Variants in ANKS1B observed in about 807,000 individuals in gnomAD.
The protein encoded by ANKS1B is ankyrin repeat and sterile alpha motif domain containing 1B, also known as ankyrin repeat and sterile alpha motif domain-containing protein 1B.
A neutral mutation model predicts 148.3 loss-of-function variants in ANKS1B; 36 were observed. The ratio of observed to expected loss-of-function variants is 0.24; its 90% CI spans 0.19 to 0.32. The LOEUF (loss-of-function observed/expected upper bound fraction) is 0.32. ANKS1B is among the 10% of genes least tolerant of loss of function. The pLI is 1.00. For missense variants in ANKS1B, 1,157 were observed against 1,542.6 expected (o/e 0.75, Z 4.19); for synonymous variants, 542 against 560.8 (o/e 0.97, Z 0.47).
Position 98,937,986 on chromosome 12 carries a change from G to T in ANKS1B, c.2779-105850C>A, listed in dbSNP as rs115156231. ...CCCTCACGATCACTAGAGCAGCATG[G>T]GGGAAACTGCCCCCATGATCCAATC... On this transcript the variant is annotated intron_variant, in intron 17 of 26. Coordinates refer to ENST00000683438, the MANE Select transcript of ANKS1B (RefSeq NM_001352186.2). 7.3e-3 allele frequency among the ~76,000 whole-genome samples: 1,105 copies of T among 152,076 alleles called. 14 individuals are homozygous for T. Among genetic ancestry groups the T allele is most frequent in the African/African-American group, 0.025 (1,055 of 41,466 alleles).
intron 17 of ANKS1B, among the ~76,000 whole-genome samples, chr12:98,952,339 G>A (rs541446957): frequency 2.6e-4 from 40 of 152,354 alleles, no homozygotes; most frequent in East Asian, 9.6e-4. Flanking sequence ...CTGGGGCCAC[G>A]TTAGCAGAGC....
At chr12:99,909,684 G>C (rs2093929073) in intron 1 of ANKS1B, among the ~76,000 whole-genome samples, 1 of 152,076 alleles carries the variant, frequency 6.6e-6, no homozygotes, top group African/African-American at 2.4e-5. Context: ...CTCAAACTTT[G>C]TTTTTCTTTC....
chr12:99,715,578 G>A (rs1289386282), intron 8 of ANKS1B, among the ~76,000 whole-genome samples: 4 of 152,086 alleles, frequency 2.6e-5, no homozygotes, highest in African/African-American at 7.2e-5. Context: ...CTCTTCACAC[G>A]GATGCGCATG....
intron 15 of ANKS1B, among the ~76,000 whole-genome samples, chr12:99,125,035 C>A (rs2063923491): frequency 6.6e-6 from 1 of 151,952 alleles, no homozygotes; most frequent in African/African-American, 2.4e-5. Context: ...ATAAAGTGAG[C>A]TGAAAAATTG....
chr12:99,102,786 C>A (rs2058269726), intron 15 of ANKS1B, among the ~76,000 whole-genome samples: 1 of 151,980 alleles, frequency 6.6e-6, no homozygotes, highest in South Asian at 2.1e-4. Context: ...CTTAGCTGGG[C>A]ATGGTGGTTC....
chr12:99,254,729 T>C (rs988187980), intron 12 of ANKS1B, among the ~76,000 whole-genome samples: 1 of 152,196 alleles, frequency 6.6e-6, no homozygotes, highest in African/African-American at 2.4e-5. Flanking sequence ...TGACTAGATA[T>C]TGAGTTTATA....
intron 17 of ANKS1B, among the ~76,000 whole-genome samples, chr12:98,885,947 C>T (rs1301505507): frequency 6.6e-6 from 1 of 151,640 alleles, no homozygotes; most frequent in African/African-American, 2.4e-5. Flanking sequence ...GCCCAGGCAC[C>T]AGCAAGATGA....
chr12:99,647,977 A>T, intron 9 of ANKS1B: 1 of 685,100 alleles, frequency 1.5e-6, no homozygotes, highest in Non-Finnish European at 2.4e-6. Context: ...CAGGGGACTG[A>T]CTGTCTCTGG....
chr12:99,405,090 T>C lies in ANKS1B; in HGVS notation c.1576-5279A>G, dbSNP rs775179136. Among the ~76,000 whole-genome samples the C allele has an allele frequency of 2.7e-4, 40 of 145,594 alleles. 1 individual carries two copies. Among genetic ancestry groups the C allele is most frequent in the Non-Finnish European group, 4.7e-4 (31 of 65,842 alleles). On this transcript the variant is annotated intron_variant, in intron 11 of 26. Transcript: ENST00000683438. ...AAACATGAAGGAGAAATAAAGACTT[T>C]CCCAGACAAACAAAAGTTGAGAAAT... is the stretch of plus-strand genomic sequence containing the variant.
intron 19 of ANKS1B, among the ~76,000 whole-genome samples, chr12:98,816,285 AAATT>A (rs1469854748): frequency 1.3e-5 from 2 of 152,094 alleles, no homozygotes; most frequent in African/African-American, 2.4e-5. Flanking sequence ...TTTCAAGCAG[AAATT>A]ATTTATTTAT....
At chr12:99,928,798 G>A (rs560854963) in intron 1 of ANKS1B, among the ~76,000 whole-genome samples, 3 of 152,122 alleles carry the variant, frequency 2.0e-5, no homozygotes, top group South Asian at 2.1e-4. Context: ...TCTCAGGATC[G>A]TAACTCCAGG....
chr12:99,563,804 T>C (rs1235985963), intron 9 of ANKS1B, among the ~76,000 whole-genome samples: 2 of 152,118 alleles, frequency 1.3e-5, no homozygotes, highest in Non-Finnish European at 2.9e-5. Context: ...TAAAATGAGG[T>C]ATGCCTGGAT....
chr12:99,258,819 A>T (rs2075603310), intron 12 of ANKS1B, among the ~76,000 whole-genome samples: 1 of 152,296 alleles, frequency 6.6e-6, no homozygotes, highest in Middle Eastern at 3.4e-3. Context: ...TAAAAAAATC[A>T]ATTATAGTTT....
In ANKS1B at chr12:98,754,892, G is replaced by T. The variant is rs1047384263; in HGVS notation, c.3580-3370C>A. ...GTTTTCCTGCCTAATGGCTTCTTCT[G>T]GTTCCGCTTACATTTTCCTTGACTT... On this transcript the variant is annotated intron_variant, in intron 25 of 26. Coordinates refer to ENST00000683438, the MANE Select transcript of ANKS1B (RefSeq NM_001352186.2). Among the ~76,000 whole-genome samples the T allele has an allele frequency of 1.2e-4, 19 of 152,170 alleles. 1 individual carries two copies. The highest frequency in any genetic ancestry group is 1.2e-3 in the Admixed American group (19 of 15,284).
At chr12:99,456,755 C>T (rs1323850408) in intron 10 of ANKS1B, among the ~76,000 whole-genome samples, 1 of 151,834 alleles carries the variant, frequency 6.6e-6, no homozygotes, top group Non-Finnish European at 1.5e-5. Flanking sequence ...ACAAGGCCTC[C>T]AAGAAAATTT....
At chr12:99,325,069 A>G (rs571619043) in intron 12 of ANKS1B, among the ~76,000 whole-genome samples, 56 of 152,160 alleles carry the variant, frequency 3.7e-4, no homozygotes, top group Non-Finnish European at 7.2e-4. Flanking sequence ...TCAATGATGG[A>G]CTGTATACAC....
At chr12:99,438,591 T>A (rs1248581808) in intron 11 of ANKS1B, among the ~76,000 whole-genome samples, 1 of 151,908 alleles carries the variant, frequency 6.6e-6, no homozygotes, top group Non-Finnish European at 1.5e-5. Flanking sequence ...TTAGACCTAA[T>A]CCATCTATCT....
chr12:98,985,712 A>T (rs2099922909), intron 17 of ANKS1B, among the ~76,000 whole-genome samples: 1 of 151,898 alleles, frequency 6.6e-6, no homozygotes, highest in Non-Finnish European at 1.5e-5. Flanking sequence ...GATGTTGTAA[A>T]CCTCTCAACA....
At chr12:99,851,342 A>G (rs1445949146) in intron 1 of ANKS1B, among the ~76,000 whole-genome samples, 1 of 151,688 alleles carries the variant, frequency 6.6e-6, no homozygotes, top group Non-Finnish European at 1.5e-5. Context: ...CTCCAGTTCA[A>G]CTCTTCCTAA....
Sources: allele counts gnomAD v4.1 joint callset (sites outside exome capture counted in the v4.1 genomes callset), GRCh38; gene constraint gnomAD v4.1.1; transcripts MANE v1.5; gene names NCBI Gene and HGNC (gene_info 2026-07-23, HGNC 2026-07-21).